The following HERC5 variants were observed in gnomAD, a reference collection of about 807,000 sequenced individuals.
HERC5 encodes E3 ISG15--protein ligase HERC5.
A neutral mutation model predicts 119.6 loss-of-function variants in HERC5; 99 were observed. The observed-to-expected ratio is 0.83, with a 90% confidence interval of 0.70 to 0.98. The LOEUF is 0.98. Among genes scored for constraint, HERC5 ranks in the 50% least tolerant of loss-of-function variants. The pLI is 0.00. For missense variants in HERC5, 1,267 were observed against 1,241.3 expected (o/e 1.02, Z -0.31); for synonymous variants, 478 against 445.9 (o/e 1.07, Z -0.91).
intron 20 of HERC5, among the ~76,000 whole-genome samples, chr4:88,503,833 G>A (rs1015413600): frequency 2.0e-5 from 3 of 152,116 alleles, no homozygotes; most frequent in East Asian, 3.9e-4. Flanking sequence ...TTGGGAGGCC[G>A]AGGCAGGCAA....
intron 9 of HERC5, among the ~76,000 whole-genome samples, chr4:88,469,922 C>A (rs1312294397): frequency 1.3e-5 from 2 of 152,104 alleles, no homozygotes; most frequent in African/African-American, 4.8e-5. Flanking sequence ...GACTCTCTGG[C>A]CAGAAAATAG....
chr4:88,505,345 C>G (rs1742073037), intron 22 of HERC5, among the ~76,000 whole-genome samples: 2 of 152,218 alleles, frequency 1.3e-5, no homozygotes, highest in Non-Finnish European at 2.9e-5. Flanking sequence ...GCCTGGCTCT[C>G]TCTCCTTATT....
chr4:88,490,585 T>C (rs1276553480), intron 16 of HERC5, among the ~76,000 whole-genome samples: 4 of 152,188 alleles, frequency 2.6e-5, no homozygotes, highest in Non-Finnish European at 5.9e-5. Context: ...GGCTCATGCC[T>C]GTAATCCTAG....
chr4:88,461,289 C>G (rs1050748767), intron 3 of HERC5, among the ~76,000 whole-genome samples: 10 of 152,228 alleles, frequency 6.6e-5, no homozygotes, highest in African/African-American at 1.9e-4. Context: ...AGATGAAACA[C>G]ACAAGCCCTG....
intron 16 of HERC5, among the ~76,000 whole-genome samples, chr4:88,490,618 C>T (rs1178563213): frequency 2.0e-5 from 3 of 152,084 alleles, no homozygotes; most frequent in African/African-American, 7.2e-5. Flanking sequence ...CTGAGGTGGG[C>T]AGATCACCTG....
At chr4:88,468,527 G>A (rs980722940) in intron 8 of HERC5, 105 bp downstream of exon 8, 1 of 680,372 alleles carries the variant, frequency 1.5e-6, no homozygotes, top group Non-Finnish European at 2.5e-6. Flanking sequence ...TTACCAGGCT[G>A]ACTTTTTGGG....
intron 13 of HERC5, among the ~76,000 whole-genome samples, chr4:88,482,960 T>A (rs547196187): frequency 9.9e-5 from 15 of 152,224 alleles, no homozygotes; most frequent in African/African-American, 3.6e-4. Flanking sequence ...TCAGCAAATT[T>A]GCCAAATTCT....
At chr4:88,483,858 G>A (rs1453535483) in intron 13 of HERC5, among the ~76,000 whole-genome samples, 1 of 152,136 alleles carries the variant, frequency 6.6e-6, no homozygotes, top group Non-Finnish European at 1.5e-5. Flanking sequence ...AATAACCTTT[G>A]TAGGTTAAGG....
intron 7 of HERC5, chr4:88,467,704 A>T (rs1305189287): frequency 6.5e-6 from 1 of 154,530 alleles, no homozygotes; most frequent in African/African-American, 2.4e-5. Flanking sequence ...CTGGAGGATA[A>T]AGAGACTTGG....
chr4:88,470,938 T>TA (rs1420792597), intron 10 of HERC5, among the ~76,000 whole-genome samples: 2 of 151,352 alleles, frequency 1.3e-5, no homozygotes, highest in African/African-American at 2.4e-5. Flanking sequence ...TGTATTCTTT[T>TA]AAAAAAAATG....
intron 6 of HERC5, among the ~76,000 whole-genome samples, chr4:88,464,650 G>A (rs940834141): frequency 6.6e-6 from 1 of 151,552 alleles, no homozygotes; most frequent in African/African-American, 2.4e-5. Context: ...GTGCAGTGAC[G>A]CAATCTCAGC....
intron 20 of HERC5, 142 bp downstream of exon 20, chr4:88,501,127 G>A (rs1050954813): frequency 3.4e-6 from 2 of 592,778 alleles, no homozygotes; most frequent in Non-Finnish European, 5.9e-6. Context: ...TGTGTTGTAT[G>A]TGTTTTGACA....
At chr4:88,480,903 CTT>C (rs1326687014) in intron 13 of HERC5, among the ~76,000 whole-genome samples, 1 of 152,200 alleles carries the variant, frequency 6.6e-6, no homozygotes, top group African/African-American at 2.4e-5. Context: ...GGACACTACT[CTT>C]TTGTCAATGA....
rs1741493350 is a variant in HERC5, at chr4:88,487,179, G to C, written c.1962G>C (p.Glu654Asp). The change falls in exon 15 of 23, where the codon GAG (glutamate) becomes GAC (aspartate). Residue 654 changes from glutamate (E) to aspartate (D), a missense_variant and splice_region_variant. Physicochemically the swap from Glu to Asp is conservative, Grantham distance 45 (BLOSUM62 2). Around this residue, in one of 3 missense-constraint regions of HERC5, gnomAD observed 473 missense variants for 445.7 expected, o/e 1.06. Coordinates refer to ENST00000264350, the MANE Select transcript of HERC5 (RefSeq NM_016323.4). ...ATACAGACACACTTTTAAAAATAGA[G>C]GTATGTATGCCTATTTGTCTTCATT... ...LLHTDTLLKIESKKHKAYLRS... is the reference protein window; with the variant it reads ...LLHTDTLLKIDSKKHKAYLRS... The C allele has an allele frequency of 6.9e-7, 1 of 1,453,006 alleles. No homozygotes were observed. Among genetic ancestry groups the C allele is most frequent in the Admixed American group, 1.7e-5 (1 of 59,324 alleles). The allele number at this position is 1,453,006 out of a possible 1,614,324, so 90.0% of individuals were successfully genotyped here.
At chr4:88,458,792 A>G (rs760258188) in intron 1 of HERC5, among the ~76,000 whole-genome samples, 11 of 152,188 alleles carry the variant, frequency 7.2e-5, no homozygotes, top group Non-Finnish European at 1.6e-4. Flanking sequence ...GAAAGGGCCA[A>G]ATGTGCACTA....
At chr4:88,483,672 G>A (rs1304373694) in intron 13 of HERC5, among the ~76,000 whole-genome samples, 1 of 151,848 alleles carries the variant, frequency 6.6e-6, no homozygotes, top group African/African-American at 2.4e-5. Context: ...AGGAATATAG[G>A]CACATGCCAC....
chr4:88,481,601 C>T (rs1320061484), intron 13 of HERC5, among the ~76,000 whole-genome samples: 3 of 151,922 alleles, frequency 2.0e-5, no homozygotes, highest in African/African-American at 2.4e-5. Flanking sequence ...AAATTATTAC[C>T]CTAAATCAGG....
intron 17 of HERC5, 28 bp downstream of exon 17, chr4:88,493,183 A>G: frequency 6.2e-7 from 1 of 1,609,400 alleles, no homozygotes; most frequent in Non-Finnish European, 8.5e-7. Flanking sequence ...TGCTTAAGGT[A>G]TTTTGCGACA....
intron 2 of HERC5, 96 bp from the exon 3 acceptor site, chr4:88,459,999 G>A (rs1196415543): frequency 3.2e-6 from 2 of 634,666 alleles, no homozygotes; most frequent in African/African-American, 3.9e-5. Context: ...GTTTTTTCTT[G>A]AGCTTCATTT....
Sources: allele counts gnomAD v4.1 joint callset (sites outside exome capture counted in the v4.1 genomes callset), GRCh38; gene constraint gnomAD v4.1.1; regional missense constraint gnomAD v4.1.1; transcripts MANE v1.5; gene names NCBI Gene and HGNC (gene_info 2026-07-23, HGNC 2026-07-21).